APAF1: variants seen among roughly 807,000 people sequenced by gnomAD.
APAF1 encodes the protein apoptotic peptidase activating factor 1, also known as apoptotic protease-activating factor 1.
In APAF1, 91 loss-of-function variants were observed where a neutral mutation model predicts 152.4. The ratio of observed to expected loss-of-function variants is 0.60; its 90% CI spans 0.50 to 0.71. The LOEUF (loss-of-function observed/expected upper bound fraction) is 0.71, where lower values mean the gene tolerates loss of function less well. APAF1 is among the 30% of genes least tolerant of loss of function. The pLI is 0.00. For synonymous variants in APAF1, 484 were observed against 494.1 expected, an observed-to-expected ratio of 0.98 and a Z score of 0.27; for missense variants, 1,283 against 1,472.0, an observed-to-expected ratio of 0.87 and a Z score of 2.10.
At chr12:98,651,857 C>G (rs939576014) in intron 4 of APAF1, among the ~76,000 whole-genome samples, 2 of 152,078 alleles carry the variant, frequency 1.3e-5, no homozygotes, top group South Asian at 4.2e-4. Flanking sequence ...CTTTGTCACC[C>G]AGGCTGGAGT....
rs144715006 is a variant in APAF1 at position 98,677,443 on chromosome 12, G to A, written c.1812G>A (p.Thr604=). The part of the protein sequence containing the change: ...YLEWINKKNI[T]NLSRLVVRPH... ...TATTTAGAAACAAAAAAAACATCAC[G>A]AATCTTTCCCGCTTAGTTGTCCGCC... The change falls in exon 13 of 27, where the codon ACG becomes ACA. Residue 604 remains threonine, a synonymous_variant. Transcript: ENST00000551964. 80 of 1,613,704 alleles carry A rather than the reference G, an allele frequency of 5.0e-5. No homozygotes were observed. The highest frequency in any genetic ancestry group is 6.7e-5 in the East Asian group (3 of 44,872).
intron 12 of APAF1, among the ~76,000 whole-genome samples, chr12:98,673,856 A>C (rs1410889669): frequency 6.6e-6 from 1 of 152,228 alleles, no homozygotes; most frequent in African/African-American, 2.4e-5. Flanking sequence ...CAACAGAACT[A>C]TGTATAAGTA....
At chr12:98,706,350 G>A (rs2097721377) in intron 18 of APAF1, 135 bp from the exon 19 acceptor site, 3 of 863,118 alleles carry the variant, frequency 3.5e-6, no homozygotes, top group Admixed American at 3.5e-5. Flanking sequence ...AAGACATTTT[G>A]TAGTTTTGAT....
chr12:98,659,145 T>C lies in APAF1; in HGVS notation c.527-15T>C, dbSNP rs1280714010. On this transcript the variant is annotated splice_polypyrimidine_tract_variant and intron_variant, in intron 4 of 26. Coordinates refer to ENST00000551964, the MANE Select transcript of APAF1 (RefSeq NM_181861.2). Reference sequence around the variant, plus strand: ...TGTTGAAAGGCCTTAAGTTCATTATTCTTTCCCTCACTAGGTTGTTTCCCA... The same window carrying C: ...TGTTGAAAGGCCTTAAGTTCATTATCCTTTCCCTCACTAGGTTGTTTCCCA... 6.2e-7 allele frequency: 1 copy of C among 1,613,802 alleles called. No homozygotes were observed. Among genetic ancestry groups the C allele is most frequent in the Non-Finnish European group, 8.5e-7 (1 of 1,179,768 alleles).
intron 16 of APAF1, among the ~76,000 whole-genome samples, chr12:98,695,803 G>C (rs2097709247): frequency 6.6e-6 from 1 of 152,074 alleles, no homozygotes; most frequent in East Asian, 1.9e-4. Context: ...AAGGTACTGG[G>C]TGCCAGCACT....
intron 4 of APAF1, among the ~76,000 whole-genome samples, chr12:98,653,674 AAAAAAAAAAAAAAAAAAATATATATATAT>A (rs2097651882): frequency 1.5e-5 from 1 of 67,664 alleles, no homozygotes; most frequent in South Asian, 4.6e-4. Flanking sequence ...AAAAAAAAAA[AAAAAAAAAAAAAAAAAAATATATATATAT>A]ATATATATAT....
At chr12:98,701,211 G>T (rs1459687266) in intron 17 of APAF1, among the ~76,000 whole-genome samples, 5 of 152,070 alleles carry the variant, frequency 3.3e-5, no homozygotes, top group Non-Finnish European at 7.4e-5. Flanking sequence ...CTGTGAAAAG[G>T]AATTGGACTA....
intron 9 of APAF1, among the ~76,000 whole-genome samples, chr12:98,667,035 G>A (rs11109565): frequency 0.17 from 26,319 of 151,328 alleles, 2,425 homozygotes; most frequent in Non-Finnish European, 0.2. Flanking sequence ...TTGATAATTT[G>A]TTTAAAGTGG....
At chr12:98,704,260 C>G (rs1372445300) in intron 18 of APAF1, among the ~76,000 whole-genome samples, 4 of 152,160 alleles carry the variant, frequency 2.6e-5, no homozygotes, top group Non-Finnish European at 5.9e-5. Context: ...ATCACCTTGC[C>G]TGGCCAAAGA....
intron 7 of APAF1, among the ~76,000 whole-genome samples, chr12:98,665,276 ATATTT>A (rs555492568): frequency 0.02 from 1,356 of 67,818 alleles, 27 homozygotes; most frequent in African/African-American, 0.061. Flanking sequence ...ATATATATAT[ATATTT>A]TTTTTTTTTT....
At chr12:98,678,291 G>A (rs2097688628) in intron 13 of APAF1, among the ~76,000 whole-genome samples, 1 of 152,264 alleles carries the variant, frequency 6.6e-6, no homozygotes, top group Non-Finnish European at 1.5e-5. Context: ...ACTTCTTTTT[G>A]ATGGCAGCGG....
chr12:98,671,073 T>C lies in APAF1; in HGVS notation c.1595T>C (p.Ile532Thr), dbSNP rs977189648. 3 of 1,594,152 alleles carry C rather than the reference T, an allele frequency of 1.9e-6. No individual in the cohort carries two copies. The highest frequency in any genetic ancestry group is 2.2e-5 in the South Asian group (2 of 90,580). Residue 532 changes from isoleucine (I) to threonine (T), a missense_variant, in exon 11 of 27, where the codon ATA (isoleucine) becomes ACA (threonine). Physicochemically the swap from Ile to Thr is moderately conservative, Grantham distance 89. Coordinates refer to ENST00000551964, the MANE Select transcript of APAF1 (RefSeq NM_181861.2). The stretch of plus-strand genomic sequence containing the variant: ...CATGAATTTGTGGAATACAGACATA[T>C]ACTAGATGAAAAGGTATATATATTA... ...LIHEFVEYRH[I>T]LDEKDCAVSE...
intron 12 of APAF1, among the ~76,000 whole-genome samples, chr12:98,673,457 C>A (rs11836469): frequency 0.052 from 7,168 of 137,574 alleles, 589 homozygotes; most frequent in African/African-American, 0.18. Context: ...AAAAAAAAAA[C>A]AAAAAAAAAA....
intron 22 of APAF1, among the ~76,000 whole-genome samples, chr12:98,721,685 A>G (rs2097743078): frequency 6.6e-6 from 1 of 152,164 alleles, no homozygotes; most frequent in Admixed American, 6.5e-5. Context: ...TTGCTTGCAT[A>G]CAAGACCCCA....
At position 98,708,511 on chromosome 12, in the gene APAF1, A is replaced by G. The variant is rs988126672; in HGVS notation, c.2722-74A>G. 2.0e-5 allele frequency: 30 copies of G among 1,467,794 alleles called. No individual in the cohort carries two copies. In the African/African-American group the frequency reaches 3.5e-4, roughly 17 times the overall value. The allele number at this position is 1,467,794 out of a possible 1,614,324, so 90.9% of individuals were successfully genotyped here. On this transcript the variant is annotated intron_variant, in intron 19 of 26. Coordinates refer to ENST00000551964, the MANE Select transcript of APAF1 (RefSeq NM_181861.2). ...ATCATAGGTATTTTATGTGAAACAT[A>G]GTTTGTCTCTCGCTTTAAGATGAAG...
chr12:98,732,338 A>AT (rs2097763642), intron 26 of APAF1, 82 bp from the exon 27 acceptor site: 9 of 1,258,714 alleles, frequency 7.2e-6, no homozygotes, highest in Non-Finnish European at 9.3e-6. Context: ...GGGAGGAGAT[A>AT]GGGTAAAGGA....
chr12:98,655,464 C>G (rs1326790161), intron 4 of APAF1, among the ~76,000 whole-genome samples: 6 of 151,154 alleles, frequency 4.0e-5, no homozygotes, highest in Admixed American at 3.9e-4. Context: ...GGGGGCTGAC[C>G]CCCCCACCTC....
intron 7 of APAF1, among the ~76,000 whole-genome samples, chr12:98,665,279 T>TATATATATATATATATATATATATATA (rs1491328899): frequency 1.5e-3 from 96 of 65,508 alleles, no homozygotes; most frequent in Non-Finnish European, 2.2e-3. Flanking sequence ...TATATATATA[T>TATATATATATATATATATATATATATA]TTTTTTTTTT....
chr12:98,645,367 G>A lies in APAF1; in HGVS notation c.-510G>A, dbSNP rs371572763. On this transcript the variant is annotated 5_prime_UTR_variant, in exon 1 of 27. Coordinates refer to ENST00000551964, the MANE Select transcript of APAF1 (RefSeq NM_181861.2). ...AAAGGGATAGAACCAGAGGTGGGGA[G>A]TCTGGGCAGTCGGCGACCCGCGAAG... The A allele has an allele frequency of 2.0e-5, 3 of 152,416 alleles. No individual in the cohort carries two copies. Among genetic ancestry groups the A allele is most frequent in the South Asian group, 4.1e-4 (2 of 4,834 alleles). 9.4% of individuals were successfully genotyped at this position (152,416 alleles called of 1,614,324 possible).
Sources: allele counts gnomAD v4.1 joint callset (sites outside exome capture counted in the v4.1 genomes callset), GRCh38; gene constraint gnomAD v4.1.1; transcripts MANE v1.5; gene names NCBI Gene and HGNC (gene_info 2026-07-23, HGNC 2026-07-21).